ZNF83: variants seen among roughly 807,000 people sequenced by gnomAD.
ZNF83 encodes zinc finger protein 816B.
For synonymous variants in ZNF83, 209 were observed against 213.0 expected, an observed-to-expected ratio of 0.98 and a Z score of 0.17; for missense variants, 552 against 629.9, an observed-to-expected ratio of 0.88 and a Z score of 1.32.
chr19:52,666,507 A>AT (rs1193872040), intron 1 of ZNF83, among the ~76,000 whole-genome samples: 1 of 151,946 alleles, frequency 6.6e-6, no homozygotes, highest in Non-Finnish European at 1.5e-5. Flanking sequence ...GATGGCCCAA[A>AT]TGCATTCAAT....
At chr19:52,629,584 A>T (rs2060875286) in intron 2 of ZNF83, among the ~76,000 whole-genome samples, 1 of 151,840 alleles carries the variant, frequency 6.6e-6, no homozygotes, top group African/African-American at 2.4e-5. Flanking sequence ...GCCCTCCCCC[A>T]CCTGCCCAGC....
At chr19:52,630,482 CTT>C (rs960592763) in intron 2 of ZNF83, among the ~76,000 whole-genome samples, 5 of 152,288 alleles carry the variant, frequency 3.3e-5, no homozygotes, top group Admixed American at 2.0e-4. Context: ...GGACAACACT[CTT>C]TTATGCACTC....
intron 1 of ZNF83, 79 bp from the exon 2 acceptor site, chr19:52,635,232 G>T (rs555933647): frequency 1.2e-5 from 6 of 497,238 alleles, no homozygotes; most frequent in African/African-American, 9.7e-5. Flanking sequence ...ATACAAAGGA[G>T]ACCTCACCCT....
chr19:52,648,530 T>C (rs964776715), intron 3 of ZNF83, among the ~76,000 whole-genome samples: 2 of 152,202 alleles, frequency 1.3e-5, no homozygotes, highest in African/African-American at 4.8e-5. Context: ...CATGACTATG[T>C]TTTACAAATG....
At chr19:52,688,148 C>T (rs1359121593) in intron 1 of ZNF83, among the ~76,000 whole-genome samples, 1 of 152,056 alleles carries the variant, frequency 6.6e-6, no homozygotes, top group East Asian at 1.9e-4. Context: ...AACTCACCTA[C>T]TCATCTGATC....
rs971979874 is a variant in ZNF83 at position 52,618,662 on chromosome 19, G to A, written c.-233-3865C>T. The A allele has an allele frequency of 2.4e-5, 12 of 498,118 alleles. No individual in the cohort carries two copies. The Admixed American group carries it at 2.8e-4, about 11-fold the overall frequency. The allele number at this position is 498,118 out of a possible 1,614,324, so 30.9% of individuals were successfully genotyped here. On this transcript the variant is annotated intron_variant, in intron 2 of 2. Transcript: ENST00000301096. ...TCCACAAGCTTTGGCCTCCCAAAGT[G>A]CTGGGATTACAGGCATGAGTCACCA...
At chr19:52,619,406 T>C (rs2060449660) in intron 2 of ZNF83, among the ~76,000 whole-genome samples, 1 of 152,134 alleles carries the variant, frequency 6.6e-6, no homozygotes, top group South Asian at 2.1e-4. Context: ...GGCAGGTGGA[T>C]CACAAGGTCA....
intron 2 of ZNF83, among the ~76,000 whole-genome samples, chr19:52,659,251 T>C (rs769677702): frequency 1.3e-5 from 2 of 151,604 alleles, no homozygotes; most frequent in Non-Finnish European, 2.9e-5. Flanking sequence ...AAAGCTGCGA[T>C]GGAAGCATGA....
At chr19:52,645,129 A>G (rs2061356167) in intron 3 of ZNF83, among the ~76,000 whole-genome samples, 1 of 152,154 alleles carries the variant, frequency 6.6e-6, no homozygotes, top group Non-Finnish European at 1.5e-5. Flanking sequence ...TGCACTTAAT[A>G]GCTTACAGCT....
intron 1 of ZNF83, among the ~76,000 whole-genome samples, chr19:52,667,534 T>G (rs1049266313): frequency 6.6e-6 from 1 of 152,226 alleles, no homozygotes; most frequent in African/African-American, 2.4e-5. Flanking sequence ...AAAAGGATTA[T>G]AGGGAGGCAG....
chr19:52,681,764 T>C (rs540659130), intron 1 of ZNF83, among the ~76,000 whole-genome samples: 19 of 152,254 alleles, frequency 1.2e-4, no homozygotes, highest in African/African-American at 3.4e-4. Context: ...GAACATGAAA[T>C]AGGTTCAAGG....
At chr19:52,646,241 T>C (rs1478874977) in intron 3 of ZNF83, among the ~76,000 whole-genome samples, 1 of 152,092 alleles carries the variant, frequency 6.6e-6, no homozygotes, top group Non-Finnish European at 1.5e-5. Flanking sequence ...TGGTTTGATA[T>C]TCCTTTAAAA....
At chr19:52,649,468 C>T (rs2061416122) in intron 3 of ZNF83, among the ~76,000 whole-genome samples, 1 of 152,106 alleles carries the variant, frequency 6.6e-6, no homozygotes, top group Admixed American at 6.6e-5. Flanking sequence ...CCAGCCAAAA[C>T]GTTCCCATTG....
At chr19:52,679,534 C>A (rs910839771) in intron 1 of ZNF83, among the ~76,000 whole-genome samples, 2 of 152,144 alleles carry the variant, frequency 1.3e-5, no homozygotes, top group African/African-American at 4.8e-5. Flanking sequence ...TTGCTTGAAC[C>A]CAGAAGGTGG....
intron 1 of ZNF83, among the ~76,000 whole-genome samples, chr19:52,668,114 G>T (rs1398402135): frequency 6.6e-6 from 1 of 151,336 alleles, no homozygotes; most frequent in Admixed American, 6.6e-5. Context: ...TAAAACAAGA[G>T]TCTCTCAGCA....
intron 2 of ZNF83, among the ~76,000 whole-genome samples, chr19:52,629,619 G>C (rs995991515): frequency 1.3e-5 from 2 of 152,076 alleles, no homozygotes; most frequent in African/African-American, 4.8e-5. Context: ...AAGGTGGCTG[G>C]AGCTAAAGGC....
chr19:52,656,392 G>T (rs2061505288), intron 2 of ZNF83, among the ~76,000 whole-genome samples: 1 of 152,068 alleles, frequency 6.6e-6, no homozygotes, highest in South Asian at 2.1e-4. Flanking sequence ...CATGGTGGGG[G>T]AATGTGCCTG....
At chr19:52,621,894 A>AT (rs1259737993) in intron 2 of ZNF83, among the ~76,000 whole-genome samples, 1 of 151,996 alleles carries the variant, frequency 6.6e-6, no homozygotes, top group Non-Finnish European at 1.5e-5. Context: ...ATGTCCAGGC[A>AT]TTTTTTCACT....
At chr19:52,680,342 T>C (rs2061886906) in intron 1 of ZNF83, among the ~76,000 whole-genome samples, 1 of 152,144 alleles carries the variant, frequency 6.6e-6, no homozygotes, top group Non-Finnish European at 1.5e-5. Flanking sequence ...CTTCCCTGTA[T>C]AAAGCCCTCT....
Sources: gnomAD v4.1 joint callset for allele counts (sites outside exome capture counted in the v4.1 genomes callset) on GRCh38, gnomAD v4.1.1 for gene constraint, MANE v1.5 for transcripts, NCBI Gene and HGNC (gene_info 2026-07-23, HGNC 2026-07-21) for gene names.